Variants in DLG2 observed in about 807,000 individuals in gnomAD.
DLG2 encodes disks large homolog 2.
In DLG2, 45 loss-of-function variants were observed where a neutral mutation model predicts 132.5. The observed-to-expected ratio is 0.34, with a 90% confidence interval of 0.27 to 0.44. The LOEUF is 0.44. Among genes scored for constraint, DLG2 ranks in the 20% least tolerant of loss-of-function variants. The pLI is 1.00. For missense variants in DLG2, 1,045 were observed against 1,196.9 expected (o/e 0.87, Z 1.87); for synonymous variants, 424 against 419.6 (o/e 1.01, Z -0.13).
chr11:83,658,138 T>C (rs1244742805), intron 18 of DLG2, among the ~76,000 whole-genome samples: 1 of 152,230 alleles, frequency 6.6e-6, no homozygotes. Flanking sequence ...TTAATTTTAC[T>C]CCAGCCTCAT....
chr11:84,976,084 C>G (rs1412969149), intron 6 of DLG2, among the ~76,000 whole-genome samples: 1 of 152,130 alleles, frequency 6.6e-6, no homozygotes, highest in African/African-American at 2.4e-5. Context: ...TTTCTCTATC[C>G]TCCCTCCTTG....
intron 6 of DLG2, among the ~76,000 whole-genome samples, chr11:84,912,433 G>A (rs1282101206): frequency 1.3e-5 from 2 of 152,212 alleles, no homozygotes; most frequent in African/African-American, 2.4e-5. Flanking sequence ...TGGGATTACC[G>A]GCGTGAGCCA....
intron 4 of DLG2, among the ~76,000 whole-genome samples, chr11:85,190,955 C>T (rs980903344): frequency 3.3e-5 from 5 of 152,086 alleles, no homozygotes; most frequent in Non-Finnish European, 5.9e-5. Context: ...GGATATTTCT[C>T]AAAGAACTTA....
At chr11:84,327,314 T>G (rs976120291) in intron 7 of DLG2, among the ~76,000 whole-genome samples, 1 of 151,802 alleles carries the variant, frequency 6.6e-6, no homozygotes, top group African/African-American at 2.4e-5. Context: ...AACTCCTGAC[T>G]TCATGTGATC....
chr11:83,569,746 G>A (rs1471756635), intron 19 of DLG2, among the ~76,000 whole-genome samples: 1 of 152,216 alleles, frequency 6.6e-6, no homozygotes, highest in Non-Finnish European at 1.5e-5. Flanking sequence ...CAACAAAGAT[G>A]AAAACACTGC....
intron 9 of DLG2, among the ~76,000 whole-genome samples, chr11:84,117,451 G>A (rs150914950): frequency 6.6e-6 from 1 of 152,208 alleles, no homozygotes; most frequent in East Asian, 1.9e-4. Flanking sequence ...CTTAAGTCTG[G>A]GCTTTTCTCA....
intron 9 of DLG2, among the ~76,000 whole-genome samples, chr11:84,136,535 C>T (rs2094607297): frequency 6.6e-6 from 1 of 151,994 alleles, no homozygotes; most frequent in Admixed American, 6.6e-5. Context: ...AGTGAATAAT[C>T]TAACGAAGTG....
chr11:85,183,176 A>T (rs2079849402), intron 4 of DLG2, among the ~76,000 whole-genome samples: 1 of 151,816 alleles, frequency 6.6e-6, no homozygotes, highest in African/African-American at 2.4e-5. Context: ...GAAGTACGTG[A>T]TCCAGTATGA....
intron 7 of DLG2, among the ~76,000 whole-genome samples, chr11:84,291,725 T>G (rs1247030093): frequency 1.3e-5 from 2 of 152,136 alleles, no homozygotes; most frequent in Non-Finnish European, 2.9e-5. Flanking sequence ...CACAAATAAT[T>G]AGCTAATTAG....
At chr11:83,702,951 C>T (rs886577547) in intron 18 of DLG2, among the ~76,000 whole-genome samples, 7 of 152,090 alleles carry the variant, frequency 4.6e-5, no homozygotes, top group East Asian at 1.9e-4. Context: ...GCAGTTCTTC[C>T]GAAAAGCACT....
At chr11:84,118,901 C>T (rs868017059) in intron 9 of DLG2, among the ~76,000 whole-genome samples, 1 of 152,168 alleles carries the variant, frequency 6.6e-6, no homozygotes, top group Non-Finnish European at 1.5e-5. Context: ...ATAATTCTCA[C>T]TGAGGCATAA....
chr11:83,701,912 G>A (rs1294168977), intron 18 of DLG2, among the ~76,000 whole-genome samples: 1 of 152,220 alleles, frequency 6.6e-6, no homozygotes, highest in Non-Finnish European at 1.5e-5. Context: ...CTGTAATTTG[G>A]TGTTCAACAA....
intron 6 of DLG2, among the ~76,000 whole-genome samples, chr11:84,881,358 ACTC>A (rs992069354): frequency 2.6e-5 from 4 of 151,958 alleles, no homozygotes; most frequent in Non-Finnish European, 5.9e-5. Flanking sequence ...TTTGCCAAAT[ACTC>A]CTCCTCTCTC....
intron 3 of DLG2, among the ~76,000 whole-genome samples, chr11:85,391,882 C>T (rs958176359): frequency 1.3e-5 from 2 of 152,046 alleles, no homozygotes; most frequent in Non-Finnish European, 2.9e-5. Context: ...TGGACCAAGA[C>T]AATGATGCCA....
chr11:84,678,741 G>A (rs1259616171), intron 6 of DLG2, among the ~76,000 whole-genome samples: 2 of 152,056 alleles, frequency 1.3e-5, no homozygotes, highest in Non-Finnish European at 2.9e-5. Context: ...TATATTGTAT[G>A]TGTGGTAGAA....
intron 7 of DLG2, among the ~76,000 whole-genome samples, chr11:84,340,606 T>C (rs2098510106): frequency 6.6e-6 from 1 of 152,126 alleles, no homozygotes; most frequent in Non-Finnish European, 1.5e-5. Flanking sequence ...GGCTCAAAGA[T>C]CTCGAGTAAT....
chr11:85,491,340 T>TTCCTCTAAGA (rs2093556214), intron 3 of DLG2, among the ~76,000 whole-genome samples: 1 of 152,122 alleles, frequency 6.6e-6, no homozygotes, highest in South Asian at 2.1e-4. Context: ...ATGAAAGCAT[T>TTCCTCTAAGA]TCCTCTAAGA....
At chr11:84,517,355 G>A (rs1223358791) in intron 7 of DLG2, among the ~76,000 whole-genome samples, 1 of 151,718 alleles carries the variant, frequency 6.6e-6, no homozygotes, top group African/African-American at 2.4e-5. Flanking sequence ...AGACATTTCT[G>A]AAGAGAAGAC....
intron 21 of DLG2, among the ~76,000 whole-genome samples, chr11:83,496,242 C>T (rs1019813304): frequency 1.3e-5 from 2 of 150,926 alleles, no homozygotes; most frequent in African/African-American, 4.9e-5. Context: ...CATTAGTCAT[C>T]GGGGAGATGC....
Sources: allele counts gnomAD v4.1 joint callset (sites outside exome capture counted in the v4.1 genomes callset), GRCh38; gene constraint gnomAD v4.1.1; transcripts MANE v1.5; gene names NCBI Gene and HGNC (gene_info 2026-07-23, HGNC 2026-07-21).